The following MME variants were observed in gnomAD, a reference collection of about 807,000 sequenced individuals.
MME encodes neprilysin.
MME carries 98 observed loss-of-function variants against 113.2 expected under a neutral mutation model. The ratio of observed to expected loss-of-function variants is 0.87; its 90% CI spans 0.74 to 1.02. The LOEUF (loss-of-function observed/expected upper bound fraction) is 1.02, where lower values mean the gene tolerates loss of function less well. Among genes scored for constraint, MME ranks in the 50% least tolerant of loss-of-function variants. The pLI, the probability that MME is intolerant of heterozygous loss-of-function variation, is 0.00. For synonymous variants in MME, 292 were observed against 300.6 expected (o/e 0.97, Z 0.30); for missense variants, 836 against 896.0 (o/e 0.93, Z 0.86).
chr3:155,142,071 T>TTATG lies in MME; in HGVS notation c.1039_1042dup (p.Ala348ValfsTer10), dbSNP rs762679011. ...TTACAAATGAGGAAGATGTGGTTGT[T>TTATG]TATGCTCCAGAATATTTAACCAAAC... On this transcript the variant is annotated frameshift_variant, in exon 11 of 23. Transcript: ENST00000360490. LOFTEE classifies it high-confidence loss of function. 1 of 1,613,814 alleles carries TTATG rather than the reference T, an allele frequency of 6.2e-7. No individual in the cohort carries two copies. Among genetic ancestry groups the TTATG allele is most frequent in the Non-Finnish European group, 8.5e-7 (1 of 1,179,800 alleles).
intron 17 of MME, among the ~76,000 whole-genome samples, chr3:155,163,927 G>A (rs1219665544): frequency 6.6e-6 from 1 of 151,928 alleles, no homozygotes; most frequent in African/African-American, 2.4e-5. Context: ...CTGATTACTT[G>A]AGCTCAGGAG....
chr3:155,110,256 G>A (rs1159930169), intron 3 of MME, among the ~76,000 whole-genome samples: 1 of 152,168 alleles, frequency 6.6e-6, no homozygotes. Flanking sequence ...TGTGGGCTCA[G>A]AGCCATACAT....
intron 1 of MME, among the ~76,000 whole-genome samples, chr3:155,025,695 T>C (rs1260168043): frequency 2.2e-5 from 3 of 134,502 alleles, no homozygotes; most frequent in African/African-American, 8.3e-5. Context: ...CTTTCTTTTT[T>C]TTTTTTTTTT....
chr3:155,129,467 A>G (rs1471526197), intron 8 of MME, among the ~76,000 whole-genome samples: 1 of 152,126 alleles, frequency 6.6e-6, no homozygotes, highest in Admixed American at 6.6e-5. Flanking sequence ...TTCACTTTAT[A>G]GAAGTCATTT....
chr3:155,139,091 C>G (rs1012890565), intron 9 of MME, among the ~76,000 whole-genome samples: 10 of 152,216 alleles, frequency 6.6e-5, no homozygotes, highest in African/African-American at 2.4e-4. Context: ...AATCTCCTAT[C>G]AGAACCAGGG....
intron 3 of MME, among the ~76,000 whole-genome samples, chr3:155,089,215 C>T (rs1467630725): frequency 1.3e-5 from 2 of 152,142 alleles, no homozygotes; most frequent in Non-Finnish European, 2.9e-5. Flanking sequence ...AAGTATTATT[C>T]ATCGCTTATT....
intron 1 of MME, among the ~76,000 whole-genome samples, chr3:155,063,868 A>G (rs10446333): frequency 0.6 from 91,038 of 150,652 alleles, 32,202 homozygotes; most frequent in Middle Eastern, 0.78. Context: ...TTTGCCCTCA[A>G]ATTCATATGT....
At chr3:155,164,972 G>A (rs1394775551) in intron 17 of MME, among the ~76,000 whole-genome samples, 1 of 152,056 alleles carries the variant, frequency 6.6e-6, no homozygotes, top group East Asian at 1.9e-4. Context: ...CCCATGCAAG[G>A]TTATACTGTG....
chr3:155,057,883 T>C (rs1713992506), intron 1 of MME, among the ~76,000 whole-genome samples: 1 of 152,178 alleles, frequency 6.6e-6, no homozygotes, highest in Non-Finnish European at 1.5e-5. Flanking sequence ...CTTGCTTATA[T>C]ATCTATGTAT....
At chr3:155,169,229 A>G (rs916782083) in intron 20 of MME, among the ~76,000 whole-genome samples, 1 of 152,172 alleles carries the variant, frequency 6.6e-6, no homozygotes, top group Admixed American at 6.6e-5. Flanking sequence ...ACAAAAATCA[A>G]TGTAAACCAC....
At chr3:155,038,517 T>G (rs770257545) in intron 1 of MME, among the ~76,000 whole-genome samples, 17 of 152,156 alleles carry the variant, frequency 1.1e-4, no homozygotes, top group Non-Finnish European at 1.9e-4. Flanking sequence ...CAGAGGCTTG[T>G]TTCTATCCTT....
At chr3:155,096,347 C>G (rs1576720978) in intron 3 of MME, among the ~76,000 whole-genome samples, 1 of 152,094 alleles carries the variant, frequency 6.6e-6, no homozygotes, top group Admixed American at 6.5e-5. Context: ...CATTTTGGTG[C>G]CCCTGGTGTG....
chr3:155,061,450 C>G, intron 1 of MME, among the ~76,000 whole-genome samples: 1 of 52,544 alleles, frequency 1.9e-5, no homozygotes, highest in South Asian at 6.5e-4. Context: ...GGCTCCATCT[C>G]AAAAAAAAAA....
intron 8 of MME, among the ~76,000 whole-genome samples, chr3:155,133,786 G>GTA (rs577845882): frequency 7.7e-5 from 11 of 143,726 alleles, no homozygotes; most frequent in Admixed American, 1.4e-4. Context: ...TATATATATG[G>GTA]TATATATATA....
intron 3 of MME, among the ~76,000 whole-genome samples, chr3:155,099,993 A>G (rs1303198634): frequency 6.6e-6 from 1 of 152,214 alleles, no homozygotes; most frequent in Non-Finnish European, 1.5e-5. Context: ...AGGCATGGGC[A>G]AGGACTTCAT....
At chr3:155,058,648 A>G (rs1714022314) in intron 1 of MME, among the ~76,000 whole-genome samples, 1 of 152,218 alleles carries the variant, frequency 6.6e-6, no homozygotes, top group Non-Finnish European at 1.5e-5. Context: ...TGTATAATAA[A>G]TAAGTAAATA....
Position 155,182,612 on chromosome 3 carries a change from T to C in MME, c.*2153T>C, listed in dbSNP as rs576359350. 4 of 152,338 alleles carry C rather than the reference T, an allele frequency of 2.6e-5. No individual in the cohort carries two copies. The highest frequency in any genetic ancestry group is 9.6e-5 in the African/African-American group (4 of 41,584). 9.4% of individuals were successfully genotyped at this position (152,338 alleles called of 1,614,324 possible). ...GAGCTTCCAGCTCTAATAAAACAGC[T>C]GTCTCTAACTTATTTTATTTCCATC... On this transcript the variant is annotated 3_prime_UTR_variant, in exon 23 of 23. Transcript: ENST00000360490.
At chr3:155,079,910 G>T (rs951156282), upstream of MME, 2 of 152,372 alleles carry the variant, frequency 1.3e-5, no homozygotes, top group Admixed American at 1.3e-4. Flanking sequence ...CGCTTGGCTG[G>T]GCTCTCAGCC....
At chr3:155,049,378 C>G (rs1340433307) in intron 1 of MME, among the ~76,000 whole-genome samples, 3 of 151,994 alleles carry the variant, frequency 2.0e-5, no homozygotes, top group African/African-American at 7.3e-5. Context: ...GTGATACATC[C>G]ACGAGCCAAA....
Sources: gnomAD v4.1 joint callset for allele counts (sites outside exome capture counted in the v4.1 genomes callset) on GRCh38, gnomAD v4.1.1 for gene constraint, MANE v1.5 for transcripts, NCBI Gene and HGNC (gene_info 2026-07-23, HGNC 2026-07-21) for gene names.